The following SAE1 variants were observed in gnomAD, a reference collection of about 807,000 sequenced individuals.
SAE1 encodes SUMO1 activating enzyme subunit 1, also known as SUMO-activating enzyme subunit 1.
SAE1 carries 11 observed loss-of-function variants against 40.6 expected under a neutral mutation model. The observed-to-expected ratio is 0.27, with a 90% confidence interval of 0.17 to 0.45. SAE1 has a LOEUF of 0.45. Ranked by LOEUF, SAE1 falls within the 20% of genes least tolerant of loss-of-function variation. The pLI is 1.00. For synonymous variants in SAE1, 155 were observed against 154.3 expected (o/e 1.00, Z -0.03); for missense variants, 373 against 427.3 (o/e 0.87, Z 1.12).
intron 6 of SAE1, among the ~76,000 whole-genome samples, chr19:47,188,111 G>A (rs1370686084): frequency 6.6e-6 from 1 of 152,074 alleles, no homozygotes; most frequent in Non-Finnish European, 1.5e-5. Context: ...CACTTTCAGA[G>A]GACAAGGCAG....
chr19:47,132,428 T>G lies in SAE1; in HGVS notation c.98+1400T>G, dbSNP rs112532975. ...CACATCATCCGACTAATTTTTGTTT[T>G]TTTTTTTTTTTGTAGGATGGGGTTT... On this transcript the variant is annotated intron_variant, in intron 1 of 8. Coordinates refer to ENST00000270225, the MANE Select transcript of SAE1 (RefSeq NM_005500.3). Among the ~76,000 whole-genome samples, 1,090 of 151,660 alleles carry G rather than the reference T, an allele frequency of 7.2e-3. 11 individuals carry two copies. The highest frequency in any genetic ancestry group is 0.025 in the African/African-American group (1,046 of 41,360).
At chr19:47,204,549 C>T (rs1413624858) in intron 8 of SAE1, among the ~76,000 whole-genome samples, 2 of 126,626 alleles carry the variant, frequency 1.6e-5, no homozygotes, top group African/African-American at 6.0e-5. Flanking sequence ...CTTTGTCTCT[C>T]AGACTGGAGT....
intron 2 of SAE1, among the ~76,000 whole-genome samples, chr19:47,145,914 C>T (rs927236501): frequency 2.4e-4 from 36 of 149,172 alleles, no homozygotes; most frequent in African/African-American, 8.4e-4. Context: ...AAGATGCTCA[C>T]GGTTTGGTTC....
chr19:47,164,232 A>C lies in SAE1; in HGVS notation c.628-5586A>C, dbSNP rs1178702599. ...CGCCCAGGCTGGAGTGCAGTGGCGCAATCTCGGCTCACTGCAAGCTCTGCC... is the reference window on the plus strand; with the variant it reads ...CGCCCAGGCTGGAGTGCAGTGGCGCCATCTCGGCTCACTGCAAGCTCTGCC... On this transcript the variant is annotated intron_variant, in intron 5 of 8. Transcript: ENST00000270225. Among the ~76,000 whole-genome samples the C allele has an allele frequency of 2.0e-5, 3 of 151,236 alleles. No individual in the cohort carries two copies. In the East Asian group the frequency reaches 5.9e-4, roughly 30 times the overall value.
At chr19:47,132,458 A>G (rs1413037275) in intron 1 of SAE1, among the ~76,000 whole-genome samples, 3 of 140,258 alleles carry the variant, frequency 2.1e-5, no homozygotes, top group Non-Finnish European at 3.1e-5. Context: ...GGGTTTTGCC[A>G]TGTTGCCCAG....
In SAE1 at chr19:47,197,504, C is replaced by T. The variant is rs897140326; in HGVS notation, c.878+127C>T. The T allele has an allele frequency of 1.6e-5, 10 of 635,824 alleles. No individual in the cohort carries two copies. In the Admixed American group the frequency reaches 2.4e-4, roughly 15 times the overall value. The allele number at this position is 635,824 out of a possible 1,614,324, so 39.4% of individuals were successfully genotyped here. The stretch of plus-strand genomic sequence containing the variant: ...GCACCCTGCCACATTCTGCTCGCTC[C>T]TGTAGACTTCTGCCTCTCCACTAGA... On this transcript the variant is annotated intron_variant, in intron 7 of 8. Coordinates refer to ENST00000270225, the MANE Select transcript of SAE1 (RefSeq NM_005500.3).
chr19:47,148,967 G>C (rs1046306583), intron 2 of SAE1, among the ~76,000 whole-genome samples: 3 of 151,724 alleles, frequency 2.0e-5, no homozygotes, highest in Non-Finnish European at 4.4e-5. Context: ...AATTGTGTCT[G>C]ATTTTTGCAC....
At chr19:47,205,555 G>C (rs1021760946) in intron 8 of SAE1, among the ~76,000 whole-genome samples, 17 of 152,182 alleles carry the variant, frequency 1.1e-4, no homozygotes, top group African/African-American at 3.6e-4. Context: ...GCCACCCAGA[G>C]GACTGTTCGA....
chr19:47,201,430 G>A (rs1402192318), intron 7 of SAE1, among the ~76,000 whole-genome samples: 2 of 130,934 alleles, frequency 1.5e-5, no homozygotes, highest in African/African-American at 5.8e-5. Context: ...GGAGTGCAGT[G>A]GCGTGATCTC....
chr19:47,166,167 G>T (rs2058391020), intron 5 of SAE1, among the ~76,000 whole-genome samples: 1 of 152,188 alleles, frequency 6.6e-6, no homozygotes, highest in East Asian at 1.9e-4. Flanking sequence ...TGAATGCTTA[G>T]GCCAGAGACG....
intron 6 of SAE1, among the ~76,000 whole-genome samples, chr19:47,192,981 C>G (rs2058588931): frequency 6.6e-6 from 1 of 151,908 alleles, no homozygotes; most frequent in Non-Finnish European, 1.5e-5. Flanking sequence ...ACCAGCAGGA[C>G]ATCTACAAAA....
chr19:47,152,843 G>C, intron 3 of SAE1, 55 bp from the exon 4 acceptor site: 1 of 1,546,998 alleles, frequency 6.5e-7, no homozygotes, highest in Non-Finnish European at 8.9e-7. Context: ...AGACATCAGG[G>C]CAGTGATTCA....
intron 8 of SAE1, among the ~76,000 whole-genome samples, chr19:47,204,509 C>CCCTT (rs398034856): frequency 6.2e-5 from 7 of 112,996 alleles, no homozygotes; most frequent in African/African-American, 2.4e-4. Flanking sequence ...CACCCCCCCC[C>CCCTT]TTTTTTTTTT....
At chr19:47,155,916 T>A (rs1476302823) in intron 5 of SAE1, among the ~76,000 whole-genome samples, 1 of 151,456 alleles carries the variant, frequency 6.6e-6, no homozygotes, top group Non-Finnish European at 1.5e-5. Context: ...AATTTTTGTA[T>A]TTTTAGTAGA....
chr19:47,186,113 G>T (rs921003562), intron 6 of SAE1, among the ~76,000 whole-genome samples: 2 of 151,666 alleles, frequency 1.3e-5, no homozygotes, highest in African/African-American at 2.4e-5. Flanking sequence ...AGTGGTGGGT[G>T]CCTGTAGTCC....
At chr19:47,168,482 T>C (rs2058409985) in intron 5 of SAE1, among the ~76,000 whole-genome samples, 1 of 152,070 alleles carries the variant, frequency 6.6e-6, no homozygotes, top group African/African-American at 2.4e-5. Flanking sequence ...TTGTAGAGAT[T>C]GGGGTCTCAC....
At chr19:47,192,966 G>A (rs778722889) in intron 6 of SAE1, among the ~76,000 whole-genome samples, 10 of 151,956 alleles carry the variant, frequency 6.6e-5, no homozygotes, top group Non-Finnish European at 1.5e-4. Context: ...TACTACAATC[G>A]GAATACCAGC....
At chr19:47,135,467 TAAC>T (rs1482574175) in intron 1 of SAE1, 1 of 152,146 alleles carries the variant, frequency 6.6e-6, no homozygotes, top group Non-Finnish European at 1.5e-5. Context: ...CTTAACATAA[TAAC>T]ATCCAGTGCC....
At chr19:47,191,682 C>T (rs1258988432) in intron 6 of SAE1, among the ~76,000 whole-genome samples, 1 of 152,130 alleles carries the variant, frequency 6.6e-6, no homozygotes, top group African/African-American at 2.4e-5. Flanking sequence ...CACCAACTGT[C>T]ACAAGGGACC....
Sources: gnomAD v4.1 joint callset for allele counts (sites outside exome capture counted in the v4.1 genomes callset) on GRCh38, gnomAD v4.1.1 for gene constraint, MANE v1.5 for transcripts, NCBI Gene and HGNC (gene_info 2026-07-23, HGNC 2026-07-21) for gene names.